NAALADL2: variants seen among roughly 807,000 people sequenced by gnomAD.
NAALADL2 encodes inactive N-acetylated-alpha-linked acidic dipeptidase-like protein 2.
Under a neutral mutation model 87.2 loss-of-function variants are expected in NAALADL2, and 76 were observed. The ratio of observed to expected loss-of-function variants is 0.87; its 90% CI spans 0.72 to 1.05. The LOEUF is 1.05. Among genes scored for constraint, NAALADL2 ranks in the 50% least tolerant of loss-of-function variants. NAALADL2 has a pLI of 0.00. For synonymous variants in NAALADL2, 354 were observed against 331.0 expected (o/e 1.07, Z -0.75); for missense variants, 1,089 against 945.8 (o/e 1.15, Z -1.99).
At chr3:175,558,597 G>A (rs141919052) in intron 9 of NAALADL2, among the ~76,000 whole-genome samples, 32 of 152,208 alleles carry the variant, frequency 2.1e-4, no homozygotes, top group African/African-American at 7.2e-4. Flanking sequence ...TTTGATTTTT[G>A]TATATGGTGA....
At chr3:175,137,204 A>G (rs2108686675) in intron 2 of NAALADL2, among the ~76,000 whole-genome samples, 1 of 152,302 alleles carries the variant, frequency 6.6e-6, no homozygotes, top group South Asian at 2.1e-4. Context: ...TAAATATAGA[A>G]AAAAAGGTTA....
In NAALADL2 at chr3:175,783,065, ATC is replaced by A. The variant is rs1248470016; in HGVS notation, c.2190-19936_2190-19935del. The stretch of plus-strand genomic sequence containing the variant: ...GCTCTGTTCTGTTCCATTGATCTAT[ATC>A]TCTGTTTTGGTACCAGTACCATGCT... On this transcript the variant is annotated intron_variant, in intron 13 of 13. Coordinates refer to ENST00000454872, the MANE Select transcript of NAALADL2 (RefSeq NM_207015.3). 5.8e-3 allele frequency among the ~76,000 whole-genome samples: 873 copies of A among 150,458 alleles called. 8 individuals carry two copies. Among genetic ancestry groups the A allele is most frequent in the African/African-American group, 0.02 (837 of 40,944 alleles).
intron 10 of NAALADL2, among the ~76,000 whole-genome samples, chr3:175,614,086 T>C (rs1725019186): frequency 6.6e-6 from 1 of 152,172 alleles, no homozygotes; most frequent in Admixed American, 6.5e-5. Context: ...GGAGTCTTGC[T>C]CCGTCACCCA....
At chr3:175,058,619 C>A (rs184962504) in intron 1 of NAALADL2, among the ~76,000 whole-genome samples, 2 of 152,054 alleles carry the variant, frequency 1.3e-5, no homozygotes, top group African/African-American at 4.8e-5. Context: ...GCAGAGAGAA[C>A]CTTCTGAAAA....
At chr3:175,316,432 A>T (rs1207918496) in intron 4 of NAALADL2, among the ~76,000 whole-genome samples, 11 of 152,136 alleles carry the variant, frequency 7.2e-5, no homozygotes, top group African/African-American at 2.2e-4. Flanking sequence ...GAGCATGGCA[A>T]AGGACCTCCC....
At chr3:175,226,856 C>T (rs1048692137) in intron 2 of NAALADL2, among the ~76,000 whole-genome samples, 1 of 151,924 alleles carries the variant, frequency 6.6e-6, no homozygotes, top group Non-Finnish European at 1.5e-5. Flanking sequence ...GTGTTTTAAT[C>T]TTAATATTTT....
chr3:175,125,539 G>A (rs889426152), intron 2 of NAALADL2, among the ~76,000 whole-genome samples: 4 of 151,958 alleles, frequency 2.6e-5, no homozygotes, highest in African/African-American at 4.8e-5. Flanking sequence ...TCAAATGAAC[G>A]GGATCCTTTG....
rs911759606 is a variant in NAALADL2 at position 175,253,938 on chromosome 3, C to T, written c.820-2473C>T. Among the ~76,000 whole-genome samples the T allele has an allele frequency of 3.9e-5, 6 of 152,158 alleles. No homozygotes were observed. The South Asian group carries it at 6.2e-4, about 16-fold the overall frequency. On this transcript the variant is annotated intron_variant, in intron 3 of 13. Transcript: ENST00000454872. ...AGAGTTATTTCTTATGGATGAATAA[C>T]GAAAGTGGTTTTTTGAGATGGAATC...
chr3:175,410,998 T>A (rs1713407406), intron 5 of NAALADL2, among the ~76,000 whole-genome samples: 1 of 152,162 alleles, frequency 6.6e-6, no homozygotes, highest in Non-Finnish European at 1.5e-5. Context: ...ATAAAGTCCT[T>A]TTGGATGCGG....
rs532813519 is a variant in NAALADL2 at position 174,850,605 on chromosome 3, T to A, written c.-9+112859T>A. Among the ~76,000 whole-genome samples, 4 of 152,008 alleles carry A rather than the reference T, an allele frequency of 2.6e-5. 1 individual carries two copies. The highest frequency in any genetic ancestry group is 6.6e-5 in the Admixed American group (1 of 15,262). On this transcript the variant is annotated intron_variant, in intron 3 of 3. Coordinates refer to the NAALADL2 transcript ENST00000434257. ...AATATTCATGCTCTGAATGCTAGAG[T>A]ACCCAGATATGTAAAGCAAACATTA...
At chr3:175,515,544 T>C (rs1731713692) in intron 9 of NAALADL2, among the ~76,000 whole-genome samples, 1 of 151,452 alleles carries the variant, frequency 6.6e-6, no homozygotes, top group Admixed American at 6.6e-5. Context: ...AAAAGAGAAT[T>C]CTAGCTAATT....
At chr3:175,212,774 T>C (rs1194688444) in intron 2 of NAALADL2, among the ~76,000 whole-genome samples, 2 of 152,162 alleles carry the variant, frequency 1.3e-5, no homozygotes, top group Non-Finnish European at 2.9e-5. Context: ...TAAAAGCCTA[T>C]TTTTACCTAG....
chr3:174,794,336 A>G (rs1717814973), intron 3 of NAALADL2, among the ~76,000 whole-genome samples: 1 of 152,274 alleles, frequency 6.6e-6, no homozygotes, highest in South Asian at 2.1e-4. Flanking sequence ...GGCTTTACTA[A>G]ATAAAATTAT....
At chr3:175,053,700 G>A (rs979416326) in intron 1 of NAALADL2, among the ~76,000 whole-genome samples, 21 of 152,298 alleles carry the variant, frequency 1.4e-4, no homozygotes, top group Non-Finnish European at 2.4e-4. Context: ...TGTGACATCC[G>A]TTTGCCAAAG....
chr3:174,664,866 G>A (rs7630608), intron 2 of NAALADL2, among the ~76,000 whole-genome samples: 11,230 of 152,210 alleles, frequency 0.074, 1,399 homozygotes, highest in African/African-American at 0.26. Flanking sequence ...TCCTGAAGTT[G>A]CTTGATAGAT....
At chr3:175,720,785 A>G (rs997033200) in intron 11 of NAALADL2, among the ~76,000 whole-genome samples, 2 of 152,158 alleles carry the variant, frequency 1.3e-5, no homozygotes, top group African/African-American at 2.4e-5. Context: ...TGTTAAAGAA[A>G]AATAATTTGC....
intron 2 of NAALADL2, among the ~76,000 whole-genome samples, chr3:175,140,371 G>T (rs1729816711): frequency 1.3e-5 from 2 of 152,104 alleles, no homozygotes; most frequent in Non-Finnish European, 2.9e-5. Flanking sequence ...TGTCCTCAGA[G>T]AGCTTATAGT....
At chr3:174,792,632 A>G (rs1336314297) in intron 3 of NAALADL2, among the ~76,000 whole-genome samples, 1 of 152,174 alleles carries the variant, frequency 6.6e-6, no homozygotes, top group African/African-American at 2.4e-5. Context: ...AACTCTTTTT[A>G]TCCAGTGTGG....
intron 3 of NAALADL2, among the ~76,000 whole-genome samples, chr3:174,809,432 A>T (rs1026837852): frequency 3.3e-5 from 5 of 152,212 alleles, no homozygotes; most frequent in African/African-American, 4.8e-5. Context: ...TTCCATATCA[A>T]TATGTTCGGA....
Sources: allele counts gnomAD v4.1 joint callset (sites outside exome capture counted in the v4.1 genomes callset), GRCh38; gene constraint gnomAD v4.1.1; transcripts MANE v1.5; gene names NCBI Gene and HGNC (gene_info 2026-07-23, HGNC 2026-07-21).